The following ZNF101 variants were observed in gnomAD, a reference collection of about 807,000 sequenced individuals.
ZNF101 encodes zinc finger protein 101.
A neutral mutation model predicts 42.6 loss-of-function variants in ZNF101; 34 were observed. The ratio of observed to expected loss-of-function variants is 0.80; its 90% CI spans 0.61 to 1.06. The LOEUF is 1.06. Among genes scored for constraint, ZNF101 ranks in the 50% least tolerant of loss-of-function variants. ZNF101 has a pLI of 0.00. For synonymous variants in ZNF101, 158 were observed against 183.9 expected (o/e 0.86, Z 1.14); for missense variants, 466 against 530.9 (o/e 0.88, Z 1.20).
At chr19:19,668,698 C>G (rs1282338426), upstream of ZNF101, 2 of 471,494 alleles carry the variant, frequency 4.2e-6, no homozygotes, top group Admixed American at 3.7e-5. Context: ...CCGATCACCT[C>G]TCCTGTCGCT....
At chr19:19,679,077 C>T in intron 3 of ZNF101, 104 bp from the exon 4 acceptor site, 2 of 1,498,186 alleles carry the variant, frequency 1.3e-6, no homozygotes, top group Non-Finnish European at 1.8e-6. Flanking sequence ...GAGAAAACCT[C>T]CACTTTTCCT....
chr19:19,678,708 T>C lies in ZNF101; in HGVS notation c.131-18T>C. 1 of 1,583,914 alleles carries C rather than the reference T, an allele frequency of 6.3e-7. No homozygotes were observed. On this transcript the variant is annotated intron_variant, in intron 2 of 3. Coordinates refer to ENST00000592502, the MANE Select transcript of ZNF101 (RefSeq NM_033204.4). ...ATTTTAAATAATTCATAATAATTTC[T>C]CTGGGTCTACATTTTAGGAATCCAA...
In ZNF101 at chr19:19,678,766, A is replaced by G; in HGVS notation, c.171A>G (p.Gln57=). The change falls in exon 3 of 4, where the codon CAA becomes CAG. Residue 57 remains glutamine (Q), a synonymous_variant. Transcript: ENST00000592502. ...WKDQDIENLY[Q]NLGIKLRSLV... ...ACCAGGACATTGAGAATCTGTACCA[A>G]AACCTGGGGATTAAGCTAAGGTAAT... 6.2e-7 allele frequency: 1 copy of G among 1,612,152 alleles called. No individual in the cohort carries two copies. The highest frequency in any genetic ancestry group is 8.5e-7 in the Non-Finnish European group (1 of 1,179,466).
chr19:19,681,413 TA>T lies in ZNF101; in HGVS notation c.*1114del, dbSNP rs2062239592. ...AAGAATACACACTGGATGGAAACGTTAGTAGTTTGGAAAATACAGGAAACTT... is the reference window on the plus strand; with the variant it reads ...AAGAATACACACTGGATGGAAACGTTGTAGTTTGGAAAATACAGGAAACTT... On this transcript the variant is annotated 3_prime_UTR_variant, in exon 4 of 4. Coordinates refer to ENST00000592502, the MANE Select transcript of ZNF101 (RefSeq NM_033204.4). The T allele has an allele frequency of 6.6e-6, 1 of 152,212 alleles. No individual in the cohort carries two copies. Among genetic ancestry groups the T allele is most frequent in the South Asian group, 2.1e-4 (1 of 4,832 alleles). 9.4% of individuals were successfully genotyped at this position (152,212 alleles called of 1,614,324 possible). A position where few individuals can be genotyped will look rare whatever the true frequency, so the allele number is the denominator to read the frequency against.
intron 1 of ZNF101, chr19:19,677,194 C>T (rs529033181): frequency 1.3e-5 from 2 of 152,204 alleles, no homozygotes; most frequent in African/African-American, 4.8e-5. Flanking sequence ...ATGGGATGAG[C>T]TCAGTTCCCC....
At chr19:19,677,797 T>C (rs1599452785) in intron 1 of ZNF101, 67 bp from the exon 2 acceptor site, 6 of 1,572,098 alleles carry the variant, frequency 3.8e-6, no homozygotes, top group Middle Eastern at 1.7e-4. Context: ...GGATCACTCA[T>C]GTATTGAGTA....
chr19:19,668,687 T>G (rs924049429), upstream of ZNF101: 3 of 440,976 alleles, frequency 6.8e-6, no homozygotes, highest in African/African-American at 4.1e-5. Context: ...ATTTGAGGAT[T>G]CCGATCACCT....
rs543901483 is a variant in ZNF101 at position 19,669,870 on chromosome 19, A to T, written c.3+904A>T. Among the ~76,000 whole-genome samples, 6 of 152,280 alleles carry T rather than the reference A, an allele frequency of 3.9e-5. No individual in the cohort carries two copies. In the South Asian group the frequency reaches 1.0e-3, roughly 26 times the overall value. ...CATTTTCCGTTTGTGAACATTTCACATGCGAGCAAAGCAGAAAATAACCCC... is the reference window on the plus strand; with the variant it reads ...CATTTTCCGTTTGTGAACATTTCACTTGCGAGCAAAGCAGAAAATAACCCC... On this transcript the variant is annotated intron_variant, in intron 1 of 3. Coordinates refer to ENST00000592502, the MANE Select transcript of ZNF101 (RefSeq NM_033204.4).
upstream of ZNF101, chr19:19,668,694 A>C (rs1284778336): frequency 4.4e-6 from 2 of 453,184 alleles, no homozygotes; most frequent in Non-Finnish European, 7.9e-6. Context: ...GATTCCGATC[A>C]CCTCTCCTGT....
chr19:19,678,735 G>A lies in ZNF101; in HGVS notation c.140G>A (p.Trp47Ter). ...FRNLASVGIQ[W>*]KDQDIENLYQ... ...TGGGTCTACATTTTAGGAATCCAAT[G>A]GAAAGACCAGGACATTGAGAATCTG... The change falls in exon 3 of 4, where the codon TGG becomes TAG. Residue 47 changes from tryptophan (W) to a stop codon, truncating the protein, a stop_gained. Transcript: ENST00000592502. LOFTEE classifies it high-confidence loss of function. 1 of 1,604,788 alleles carries A rather than the reference G, an allele frequency of 6.2e-7. No individual in the cohort carries two copies. The highest frequency in any genetic ancestry group is 8.5e-7 in the Non-Finnish European group (1 of 1,177,408).
At position 19,678,065 on chromosome 19, in the gene ZNF101, G is replaced by C. The variant is rs2062213716; in HGVS notation, c.130+75G>C. ...GGTCACCAGTGTGGTTGCACAGTTT[G>C]GAATGTGGAAAGAGAATACGTTGGT... is the stretch of plus-strand genomic sequence containing the variant. On this transcript the variant is annotated intron_variant, in intron 2 of 3. Coordinates refer to ENST00000592502, the MANE Select transcript of ZNF101 (RefSeq NM_033204.4). 3 of 1,570,064 alleles carry C rather than the reference G, an allele frequency of 1.9e-6. No individual in the cohort carries two copies. In the South Asian group the frequency reaches 3.3e-5, roughly 17 times the overall value.
intron 1 of ZNF101, among the ~76,000 whole-genome samples, chr19:19,670,027 C>T (rs1256004461): frequency 6.6e-6 from 1 of 152,122 alleles, no homozygotes; most frequent in Non-Finnish European, 1.5e-5. Context: ...ATTGGGTCCT[C>T]AGCCCACCCT....
intron 1 of ZNF101, among the ~76,000 whole-genome samples, chr19:19,669,586 C>T (rs1279299016): frequency 6.6e-6 from 1 of 152,152 alleles, no homozygotes; most frequent in Admixed American, 6.5e-5. Context: ...CTCCGTCTTC[C>T]GGGTTCAAGT....
In ZNF101 at chr19:19,677,922, T is replaced by A; in HGVS notation, c.62T>A (p.Leu21Gln). ...TTCACCCAGGAGGAGTGGGCTTTGCTGAGTCCTTCCCAGAAGAATCTCTAC... is the reference window on the plus strand; with the variant it reads ...TTCACCCAGGAGGAGTGGGCTTTGCAGAGTCCTTCCCAGAAGAATCTCTAC... Reference protein sequence around the residue: ...VNFTQEEWALLSPSQKNLYRD... With the variant: ...VNFTQEEWALQSPSQKNLYRD... The change falls in exon 2 of 4, where the codon CTG becomes CAG. Residue 21 changes from leucine to glutamine, a missense_variant. Transcript: ENST00000592502. The A allele has an allele frequency of 6.2e-7, 1 of 1,612,786 alleles. No homozygotes were observed. Among genetic ancestry groups the A allele is most frequent in the South Asian group, 1.1e-5 (1 of 91,070 alleles).
intron 1 of ZNF101, among the ~76,000 whole-genome samples, chr19:19,669,383 C>G (rs910465559): frequency 6.6e-6 from 1 of 152,186 alleles, no homozygotes; most frequent in Non-Finnish European, 1.5e-5. Context: ...CCCACGACCC[C>G]GTCCCCCAGC....
chr19:19,672,092 A>C (rs1229892643), intron 1 of ZNF101: 1 of 144,272 alleles, frequency 6.9e-6, no homozygotes, highest in African/African-American at 2.6e-5. Context: ...TATATATATA[A>C]ATTATATGTA....
intron 1 of ZNF101, among the ~76,000 whole-genome samples, chr19:19,669,283 C>T (rs1163043683): frequency 6.6e-6 from 1 of 152,176 alleles, no homozygotes; most frequent in Non-Finnish European, 1.5e-5. Flanking sequence ...CGGGAGGAGC[C>T]GTGGCCTGTG....
Position 19,677,854 on chromosome 19 carries a change from G to T in ZNF101, c.4-10G>T. 3.7e-6 allele frequency: 6 copies of T among 1,609,876 alleles called. No individual in the cohort carries two copies. Among genetic ancestry groups the T allele is most frequent in the Middle Eastern group, 1.7e-4 (1 of 6,038 alleles). On this transcript the variant is annotated splice_polypyrimidine_tract_variant and intron_variant, in intron 1 of 3. Transcript: ENST00000592502. ...CACCCCTCCTCCTCCACACCTGTGG[G>T]ATGTTTCAGGACTCAGTGGCCTTTG...
In ZNF101 at chr19:19,680,911, T is replaced by G. The variant is rs2062236860; in HGVS notation, c.*611T>G. On this transcript the variant is annotated 3_prime_UTR_variant, in exon 4 of 4. Transcript: ENST00000592502. ...CTCCAGCCTGGTGACAGAGCGAGAC[T>G]TCGTCTCAAAACAAACAAAAAAAAG... 6.6e-6 allele frequency: 1 copy of G among 152,122 alleles called. No homozygotes were observed. The highest frequency in any genetic ancestry group is 1.5e-5 in the Non-Finnish European group (1 of 68,134). 9.4% of individuals were successfully genotyped at this position (152,122 alleles called of 1,614,324 possible). A position where few individuals can be genotyped will look rare whatever the true frequency, so the allele number is the denominator to read the frequency against.
Sources: allele counts gnomAD v4.1 joint callset (sites outside exome capture counted in the v4.1 genomes callset), GRCh38; gene constraint gnomAD v4.1.1; transcripts MANE v1.5; gene names NCBI Gene and HGNC (gene_info 2026-07-23, HGNC 2026-07-21).